Variants in ANPEP observed in about 807,000 individuals in gnomAD.
The protein encoded by ANPEP is aminopeptidase N.
Under a neutral mutation model 114.6 loss-of-function variants are expected in ANPEP, and 70 were observed. That is an observed-to-expected ratio of 0.61 (90% CI 0.50 to 0.75). The LOEUF (loss-of-function observed/expected upper bound fraction) is 0.75, where lower values mean the gene tolerates loss of function less well. Ranked by LOEUF, ANPEP falls within the 30% of genes least tolerant of loss-of-function variation. The pLI, the probability that ANPEP is intolerant of heterozygous loss-of-function variation, is 0.00. For synonymous variants in ANPEP, 548 were observed against 522.3 expected (o/e 1.05, Z -0.67); for missense variants, 1,184 against 1,259.5 (o/e 0.94, Z 0.91).
intron 20 of ANPEP, among the ~76,000 whole-genome samples, chr15:89,789,090 C>T (rs1283048349): frequency 6.6e-6 from 1 of 151,840 alleles, no homozygotes; most frequent in African/African-American, 2.4e-5. Flanking sequence ...GGCAATTATT[C>T]TGCCACAGCC....
intron 20 of ANPEP, among the ~76,000 whole-genome samples, chr15:89,789,687 T>G (rs1246394667): frequency 2.8e-5 from 4 of 141,862 alleles, no homozygotes; most frequent in Non-Finnish European, 6.1e-5. Flanking sequence ...GCAGGAGAAT[T>G]GATTGAACCC....
chr15:89,805,802 C>G (rs1033631941), intron 2 of ANPEP, among the ~76,000 whole-genome samples, 168 bp downstream of exon 2: 1 of 152,100 alleles, frequency 6.6e-6, no homozygotes, highest in Non-Finnish European at 1.5e-5. Context: ...CCTCCCAGTT[C>G]GGTGCATTTG....
intron 12 of ANPEP, among the ~76,000 whole-genome samples, chr15:89,800,532 T>A (rs1393203963): frequency 6.6e-6 from 1 of 151,924 alleles, no homozygotes; most frequent in African/African-American, 2.4e-5. Flanking sequence ...GGCACTACTT[T>A]AAGCATTTTA....
At chr15:89,797,105 T>C (rs1354944778) in intron 15 of ANPEP, among the ~76,000 whole-genome samples, 1 of 152,080 alleles carries the variant, frequency 6.6e-6, no homozygotes, top group South Asian at 2.1e-4. Context: ...ATCTCTCTCA[T>C]AGCGCAGGTG....
chr15:89,806,633 G>A lies in ANPEP; in HGVS notation c.-50C>T, dbSNP rs201813092. The A allele has an allele frequency of 1.5e-5, 22 of 1,505,524 alleles. No individual in the cohort carries two copies. In the East Asian group the frequency reaches 4.8e-4, roughly 33 times the overall value. 93.3% of individuals were successfully genotyped at this position (1,505,524 alleles called of 1,614,324 possible). On this transcript the variant is annotated 5_prime_UTR_variant, in exon 2 of 21. Transcript: ENST00000300060. This position sits in a 1 kb window ranked among gnomAD's most constrained non-coding sequence, Gnocchi z 5.7. ...GGAGCCTCAGGCCAGGCAGAGAACG[G>A]AGCAGCCCCAGGCCGGGCTTATATC... is the stretch of plus-strand genomic sequence containing the variant.
Position 89,806,806 on chromosome 15 carries a change from C to T in ANPEP, c.-223G>A. ...TGTGTGGAGCTGGGCTCGGGGGGTG[C>T]CTGCTGGAAGCAAACAGTGTCTGGT... On this transcript the variant is annotated splice_region_variant and 5_prime_UTR_variant, in exon 2 of 21. Coordinates refer to ENST00000300060, the MANE Select transcript of ANPEP (RefSeq NM_001150.3). The surrounding 1 kb of genome is among the most constrained non-coding windows in gnomAD (Gnocchi z 5.7). 1 of 653,440 alleles carries T rather than the reference C, an allele frequency of 1.5e-6. No homozygotes were observed. The highest frequency in any genetic ancestry group is 2.4e-6 in the Non-Finnish European group (1 of 409,754). The allele number at this position is 653,440 out of a possible 1,614,324, so 40.5% of individuals were successfully genotyped here.
In ANPEP at chr15:89,796,946, T is replaced by C. The variant is rs143169126; in HGVS notation, c.2157+629A>G. 2.5e-3 allele frequency among the ~76,000 whole-genome samples: 379 copies of C among 152,380 alleles called. 2 individuals carry two copies. The highest frequency in any genetic ancestry group is 2.5e-3 in the Non-Finnish European group (168 of 68,040). On this transcript the variant is annotated intron_variant, in intron 15 of 20. Coordinates refer to ENST00000300060, the MANE Select transcript of ANPEP (RefSeq NM_001150.3). ...TGTGTTTTGTTTGCTTTTTGTCTTT[T>C]ATAAACTGCTGCAGTGAGCATCCTA...
chr15:89,811,978 A>C (rs1365130144), intron 1 of ANPEP, among the ~76,000 whole-genome samples: 1 of 152,266 alleles, frequency 6.6e-6, no homozygotes, highest in Non-Finnish European at 1.5e-5. Context: ...ACCAAAGCCA[A>C]AACCAAAAAA....
intron 10 of ANPEP, among the ~76,000 whole-genome samples, chr15:89,801,935 G>A (rs1482714783): frequency 1.3e-5 from 2 of 152,108 alleles, no homozygotes; most frequent in Admixed American, 1.3e-4. Context: ...CAAGAAAGAG[G>A]AGACAGAGAT....
At chr15:89,814,585 G>A (rs1432102295) in intron 1 of ANPEP, among the ~76,000 whole-genome samples, 187 bp downstream of exon 1, 1 of 152,200 alleles carries the variant, frequency 6.6e-6, no homozygotes, top group Non-Finnish European at 1.5e-5. Flanking sequence ...GTGGGAGCTC[G>A]GCCAAAAGAA....
intron 10 of ANPEP, among the ~76,000 whole-genome samples, chr15:89,802,040 C>T (rs935811763): frequency 1.3e-5 from 2 of 151,984 alleles, no homozygotes; most frequent in African/African-American, 2.4e-5. Flanking sequence ...GGGTGTGGGG[C>T]GGGACTCAGG....
chr15:89,794,509 A>C (rs1480184563), intron 15 of ANPEP, among the ~76,000 whole-genome samples: 1 of 152,052 alleles, frequency 6.6e-6, no homozygotes, highest in East Asian at 1.9e-4. Flanking sequence ...AATAAAAATA[A>C]ATAAAAAAAT....
In ANPEP at chr15:89,792,187, C is replaced by A. The variant is rs1567154962; in HGVS notation, c.2501G>T (p.Cys834Phe). 6.2e-7 allele frequency: 1 copy of A among 1,614,022 alleles called. No homozygotes were observed. The highest frequency in any genetic ancestry group is 1.3e-5 in the African/African-American group (1 of 74,928). Residue 834 changes from cysteine to phenylalanine, a missense_variant, in exon 18 of 21, where the codon TGC becomes TTC. Coordinates refer to ENST00000300060, the MANE Select transcript of ANPEP (RefSeq NM_001150.3). Reference sequence around the variant, plus strand: ...GTTCAGGATCCACAACTCTTTGCTGCAGGCCAGGGCTGCCCGGAGCTTGTC... The same window carrying A: ...GTTCAGGATCCACAACTCTTTGCTGAAGGCCAGGGCTGCCCGGAGCTTGTC... ...EADKLRAALA[C>F]SKELWILNRY...
chr15:89,806,011 C>T lies in ANPEP; in HGVS notation c.573G>A (p.Ala191=), dbSNP rs753853636. The T allele has an allele frequency of 3.6e-5, 58 of 1,608,028 alleles. No homozygotes were observed. In the East Asian group the frequency reaches 8.5e-4, roughly 24 times the overall value. ...CCATGTACTCGCTGCGGTAGAAGCC[C>T]GCCAGGTCATCTGCCAACTCCCCCT... ...EFEGELADDL[A]GFYRSEYMEG... Residue 191 remains alanine, a synonymous_variant, in exon 2 of 21, where the codon GCG becomes GCA. Transcript: ENST00000300060. This position sits in a 1 kb window ranked among gnomAD's most constrained non-coding sequence, Gnocchi z 5.7.
Position 89,803,752 on chromosome 15 carries a change from C to T in ANPEP, c.1332G>A (p.Met444Ile). Residue 444 changes from methionine (M) to isoleucine (I), a missense_variant, in exon 8 of 21, where the codon ATG (methionine) becomes ATA (isoleucine). By Grantham distance (10) the Met-to-Ile change is conservative. Coordinates refer to ENST00000300060, the MANE Select transcript of ANPEP (RefSeq NM_001150.3). This position sits in a 1 kb window ranked among gnomAD's most constrained non-coding sequence, Gnocchi z 4.2. ...LMVLNDVYRV[M>I]AVDALASSHP... ...GGGAGGAGGCCAGTGCATCCACTGC[C>T]ATCACGCGGTACACATCATTCAGCA... The T allele has an allele frequency of 6.2e-7, 1 of 1,610,874 alleles. No homozygotes were observed. The highest frequency in any genetic ancestry group is 8.5e-7 in the Non-Finnish European group (1 of 1,177,784).
Position 89,799,028 on chromosome 15 carries a change from CCT to C in ANPEP, c.2009+230_2009+231del, listed in dbSNP as rs1567158120. ...GAGGATGGCTTTGGAGTTGGACAAGCCTCTGTCTGGCTGTCATGAACTACTGT... is the reference window on the plus strand; with the variant it reads ...GAGGATGGCTTTGGAGTTGGACAAGCCTGTCTGGCTGTCATGAACTACTGT... On this transcript the variant is annotated intron_variant, in intron 14 of 20. Transcript: ENST00000300060. The surrounding 1 kb of genome is among the most constrained non-coding windows in gnomAD (Gnocchi z 4.2). Among the ~76,000 whole-genome samples the C allele has an allele frequency of 2.0e-5, 3 of 152,332 alleles. No individual in the cohort carries two copies. In the East Asian group the frequency reaches 5.8e-4, roughly 29 times the overall value.
intron 1 of ANPEP, among the ~76,000 whole-genome samples, chr15:89,810,750 C>G (rs1009096952): frequency 3.9e-5 from 6 of 152,360 alleles, no homozygotes; most frequent in African/African-American, 1.4e-4. Flanking sequence ...CAGTCCTTGC[C>G]GTGACCTACA....
At chr15:89,792,847 T>C (rs1277470777) in intron 16 of ANPEP, among the ~76,000 whole-genome samples, 188 bp downstream of exon 16, 1 of 152,160 alleles carries the variant, frequency 6.6e-6, no homozygotes, top group African/African-American at 2.4e-5. Context: ...TGGGTCTTTG[T>C]ATAAAGAGGT....
chr15:89,801,498 G>A lies in ANPEP; in HGVS notation c.1679C>T (p.Thr560Ile). 1 of 1,614,132 alleles carries A rather than the reference G, an allele frequency of 6.2e-7. No homozygotes were observed. Among genetic ancestry groups the A allele is most frequent in the Non-Finnish European group, 8.5e-7 (1 of 1,179,988 alleles). ...AAGGAGGAAGTGCTCCTGGGAAAGG[G>A]TCCCCGTGCTGGTATCCACCGTGAT... ...PVITVDTSTGTLSQEHFLLDP... is the reference protein window; with the variant it reads ...PVITVDTSTGILSQEHFLLDP... Residue 560 changes from threonine to isoleucine, a missense_variant, in exon 11 of 21, where the codon ACC (threonine) becomes ATC (isoleucine). Coordinates refer to ENST00000300060, the MANE Select transcript of ANPEP (RefSeq NM_001150.3).
Sources: gnomAD v4.1 joint callset for allele counts (sites outside exome capture counted in the v4.1 genomes callset) on GRCh38, gnomAD v4.1.1 for gene constraint, Gnocchi (gnomAD v3.1) non-coding constraint, MANE v1.5 for transcripts, NCBI Gene and HGNC (gene_info 2026-07-23, HGNC 2026-07-21) for gene names.